HELZ: variants seen among roughly 807,000 people sequenced by gnomAD.
HELZ encodes the protein helicase with zinc finger.
A neutral mutation model predicts 218.2 loss-of-function variants in HELZ; 23 were observed. The observed-to-expected ratio is 0.11, with a 90% CI of 0.08 to 0.15. The LOEUF is 0.15. Ranked by LOEUF, HELZ falls within the 10% of genes least tolerant of loss-of-function variation. The pLI is 1.00. For synonymous variants in HELZ, 814 were observed against 829.4 expected, an observed-to-expected ratio of 0.98 and a Z score of 0.32; for missense variants, 1,813 against 2,353.7, an observed-to-expected ratio of 0.77 and a Z score of 4.75.
rs552332286 is a variant in HELZ, at chr17:67,233,297, G to C, written c.-19+6136C>G. Among the ~76,000 whole-genome samples the C allele has an allele frequency of 2.0e-5, 3 of 152,314 alleles. No individual in the cohort carries two copies. In the South Asian group the frequency reaches 6.2e-4, roughly 32 times the overall value. ...AAACCTGGGATGCGGAGGCTGCAGTGAGCTGAGATCGCACCACTGCACTCC... is the reference window on the plus strand; with the variant it reads ...AAACCTGGGATGCGGAGGCTGCAGTCAGCTGAGATCGCACCACTGCACTCC... On this transcript the variant is annotated intron_variant, in intron 3 of 32. Transcript: ENST00000358691.
chr17:67,158,636 A>G lies in HELZ; in HGVS notation c.2177+1625T>C, dbSNP rs1034125457. On this transcript the variant is annotated intron_variant, in intron 17 of 32. Coordinates refer to ENST00000358691, the MANE Select transcript of HELZ (RefSeq NM_014877.4). ...AATCACATGAAATTTGCATTTGAAT[A>G]TATTTATAAATGTTTTTCCATCTTG... Among the ~76,000 whole-genome samples the G allele has an allele frequency of 3.8e-4, 58 of 152,190 alleles. 1 individual carries two copies. Among genetic ancestry groups the G allele is most frequent in the Non-Finnish European group, 4.4e-5 (3 of 68,038 alleles).
At chr17:67,207,027 C>T (rs376324892) in intron 5 of HELZ, among the ~76,000 whole-genome samples, 1 of 148,152 alleles carries the variant, frequency 6.7e-6, no homozygotes, top group Non-Finnish European at 1.5e-5. Flanking sequence ...ACTATCCTAC[C>T]TCAGCCTCCC....
At chr17:67,149,236 A>AT (rs1475238726) in intron 19 of HELZ, among the ~76,000 whole-genome samples, 3 of 152,180 alleles carry the variant, frequency 2.0e-5, no homozygotes, top group Admixed American at 6.6e-5. Context: ...AGAAATGAAA[A>AT]CAGAGCTTGT....
chr17:67,109,620 T>G lies in HELZ; in HGVS notation c.3985A>C (p.Thr1329Pro). ...ESRPSVVYPS[T>P]KFPRKDNLNP... is the part of the protein sequence containing the mutation. ...AGATTATCTTTGCGAGGAAATTTGG[T>G]ACTGGGATAAACAACACTAGGACGT... The change falls in exon 29 of 33, where the codon ACC becomes CCC. Residue 1329 changes from threonine to proline, a missense_variant. Thr to Pro is a conservative substitution (Grantham distance 38). Coordinates refer to ENST00000358691, the MANE Select transcript of HELZ (RefSeq NM_014877.4). 1.2e-6 allele frequency: 2 copies of G among 1,614,120 alleles called. No homozygotes were observed. Among genetic ancestry groups the G allele is most frequent in the Non-Finnish European group, 1.7e-6 (2 of 1,180,008 alleles).
chr17:67,155,266 T>C (rs1031728830), intron 17 of HELZ, among the ~76,000 whole-genome samples: 2 of 151,974 alleles, frequency 1.3e-5, no homozygotes, highest in South Asian at 4.2e-4. Context: ...AAGAGAAGTA[T>C]CAGCATAACA....
At chr17:67,093,701 A>ATT (rs760153973) in intron 31 of HELZ, among the ~76,000 whole-genome samples, 6 of 152,128 alleles carry the variant, frequency 3.9e-5, no homozygotes, top group Admixed American at 2.0e-4. Flanking sequence ...TGCAAAGTAG[A>ATT]TCCTGAATTT....
intron 15 of HELZ, 66 bp from the exon 16 acceptor site, chr17:67,161,142 G>A: frequency 8.2e-7 from 1 of 1,219,480 alleles, no homozygotes; most frequent in Non-Finnish European, 1.1e-6. Flanking sequence ...TAACACACGA[G>A]TATCGTGAAT....
chr17:67,234,204 TC>T (rs1182900303), intron 3 of HELZ, among the ~76,000 whole-genome samples: 2 of 143,288 alleles, frequency 1.4e-5, no homozygotes, highest in Non-Finnish European at 3.0e-5. Flanking sequence ...GTGCCTCTAA[TC>T]CCAGCTACTA....
rs755585391 is a variant in HELZ at position 67,120,410 on chromosome 17, C to T, written c.3833G>A (p.Arg1278Gln). ...HQEKDQHEQN[R>Q]NGKSDTNNSG... Reference sequence around the variant, plus strand: ...AACAGCGAAGTACAACTTACCATTTCGATTTTGCTCATGTTGATCCTTCTC... The same window carrying T: ...AACAGCGAAGTACAACTTACCATTTTGATTTTGCTCATGTTGATCCTTCTC... The change falls in exon 27 of 33, where the codon CGA (arginine) becomes CAA (glutamine). Residue 1278 changes from arginine (R) to glutamine (Q), a missense_variant. Transcript: ENST00000358691. 3.7e-6 allele frequency: 6 copies of T among 1,613,350 alleles called. No homozygotes were observed. Among genetic ancestry groups the T allele is most frequent in the African/African-American group, 1.3e-5 (1 of 74,874 alleles).
chr17:67,220,447 A>G (rs2040714261), intron 3 of HELZ, among the ~76,000 whole-genome samples: 1 of 152,210 alleles, frequency 6.6e-6, no homozygotes, highest in Non-Finnish European at 1.5e-5. Flanking sequence ...GTGGTACAAT[A>G]TAACATTCCC....
At position 67,138,067 on chromosome 17, in the gene HELZ, T is replaced by C; in HGVS notation, c.2817A>G (p.Pro939=). Residue 939 remains proline (P), a synonymous_variant, in exon 22 of 33, where the codon CCA becomes CCG. Transcript: ENST00000358691. ...CATCATCTAACTTCCCCCACGCTAC[T>C]GGCCACTTCCTTCTTAACTCTTCTA... The part of the protein sequence containing the change: ...ERVEELRRKW[P]VAWGKLDDGS... 3 of 1,613,826 alleles carry C rather than the reference T, an allele frequency of 1.9e-6. No homozygotes were observed. Among genetic ancestry groups the C allele is most frequent in the Middle Eastern group, 1.7e-4 (1 of 6,058 alleles).
chr17:67,195,838 CT>C (rs66827855), intron 7 of HELZ, among the ~76,000 whole-genome samples: 14 of 101,544 alleles, frequency 1.4e-4, no homozygotes, highest in African/African-American at 3.4e-4. Flanking sequence ...GTTTCTTTTC[CT>C]TTTTTTTTTT....
intron 5 of HELZ, among the ~76,000 whole-genome samples, chr17:67,209,714 C>G (rs150349949): frequency 6.7e-6 from 1 of 149,808 alleles, no homozygotes; most frequent in Non-Finnish European, 1.5e-5. Flanking sequence ...CACTTCCACT[C>G]TGGACTGGCT....
intron 17 of HELZ, among the ~76,000 whole-genome samples, chr17:67,154,244 A>G (rs565617289): frequency 6.6e-6 from 1 of 152,314 alleles, no homozygotes; most frequent in Admixed American, 6.5e-5. Flanking sequence ...CCTGGCCAAC[A>G]TGGCAAAACC....
rs1451819602 is a variant in HELZ, at chr17:67,128,949, C to T, written c.3183-94G>A. The T allele has an allele frequency of 5.2e-6, 5 of 955,088 alleles. No individual in the cohort carries two copies. In the African/African-American group the frequency reaches 8.1e-5, roughly 15 times the overall value. The allele number at this position is 955,088 out of a possible 1,614,324, so 59.2% of individuals were successfully genotyped here. A position where few individuals can be genotyped will look rare whatever the true frequency, so the allele number is the denominator to read the frequency against. ...CTAAAGATAATCTCAAATTCCACCC[C>T]CAACCTCAAATCCTTAAACCCAATA... is the stretch of plus-strand genomic sequence containing the variant. On this transcript the variant is annotated intron_variant, in intron 23 of 32. Coordinates refer to ENST00000358691, the MANE Select transcript of HELZ (RefSeq NM_014877.4).
chr17:67,131,368 AC>A (rs897678646), intron 23 of HELZ, among the ~76,000 whole-genome samples: 17 of 152,160 alleles, frequency 1.1e-4, no homozygotes, highest in Non-Finnish European at 2.1e-4. Flanking sequence ...AAGTCAAACA[AC>A]CTCACACTTC....
At chr17:67,162,523 T>A (rs767407769) in intron 15 of HELZ, among the ~76,000 whole-genome samples, 2 of 152,134 alleles carry the variant, frequency 1.3e-5, no homozygotes, top group Non-Finnish European at 2.9e-5. Flanking sequence ...CCAGATCTAA[T>A]GTATGTAGCA....
chr17:67,244,657 C>T, intron 1 of HELZ: 1 of 973,020 alleles, frequency 1.0e-6, no homozygotes, highest in Non-Finnish European at 1.2e-6. Context: ...ACGCCTGACC[C>T]ACTTTTCCCC....
chr17:67,148,320 T>C (rs2038570753), intron 20 of HELZ, among the ~76,000 whole-genome samples: 1 of 152,204 alleles, frequency 6.6e-6, no homozygotes, highest in Non-Finnish European at 1.5e-5. Context: ...CTGTGTTAAT[T>C]GTTGTGAGAG....
Sources: allele counts gnomAD v4.1 joint callset (sites outside exome capture counted in the v4.1 genomes callset), GRCh38; gene constraint gnomAD v4.1.1; transcripts MANE v1.5; gene names NCBI Gene and HGNC (gene_info 2026-07-23, HGNC 2026-07-21).